The following SKI variants were observed in gnomAD, a reference collection of about 807,000 sequenced individuals.
SKI encodes the protein SKI proto-oncogene.
In SKI, 23 loss-of-function variants were observed where a neutral mutation model predicts 59.3. The ratio of observed to expected loss-of-function variants is 0.39; its 90% CI spans 0.28 to 0.55. SKI has a LOEUF of 0.55. Ranked by LOEUF, SKI falls within the 20% of genes least tolerant of loss-of-function variation. The pLI is 0.67. For missense variants in SKI, 1,017 were observed against 1,038.9 expected, an observed-to-expected ratio of 0.98 and a Z score of 0.29; for synonymous variants, 673 against 488.6, an observed-to-expected ratio of 1.38 and a Z score of -4.98.
intron 1 of SKI, among the ~76,000 whole-genome samples, chr1:2,254,491 ACTG>A (rs1314030598): frequency 6.6e-6 from 1 of 152,128 alleles, no homozygotes; most frequent in Non-Finnish European, 1.5e-5. Flanking sequence ...TGTCTACTGG[ACTG>A]CTTTTTATTT....
chr1:2,277,217 C>G lies in SKI; in HGVS notation c.970-25761C>G, dbSNP rs191313194. ...CAAGTGATTGTCATGCCTCAGCCTC[C>G]TGAATAGCTGAGATTACAGGCACAT... On this transcript the variant is annotated intron_variant, in intron 1 of 6. Coordinates refer to ENST00000378536, the MANE Select transcript of SKI (RefSeq NM_003036.4). Among the ~76,000 whole-genome samples, 159 of 152,284 alleles carry G rather than the reference C, an allele frequency of 1.0e-3. 1 individual carries two copies. The highest frequency in any genetic ancestry group is 3.7e-3 in the African/African-American group (155 of 41,546).
chr1:2,252,218 T>C (rs1259142131), intron 1 of SKI, among the ~76,000 whole-genome samples: 1 of 152,164 alleles, frequency 6.6e-6, no homozygotes, highest in Non-Finnish European at 1.5e-5. Context: ...TCAAAAGTCT[T>C]GTAAAGAACG....
At position 2,303,949 on chromosome 1, in the gene SKI, C is replaced by T. The variant is rs201613746; in HGVS notation, c.1321C>T (p.Arg441Trp). Residue 441 changes from arginine to tryptophan, a missense_variant, in exon 4 of 7, where the codon CGG (arginine) becomes TGG (tryptophan). Arg to Trp is a moderately radical substitution (Grantham distance 101). Coordinates refer to ENST00000378536, the MANE Select transcript of SKI (RefSeq NM_003036.4). The surrounding 1 kb of genome is among the most constrained non-coding windows in gnomAD (Gnocchi z 5.6). ...CCCTCCGTGTGCCGCCGCCGTCTCC[C>T]GGGCCCCCGAGCCTCTCGCCACTTG... Reference protein sequence around the residue: ...SSPPCAAAVSRAPEPLATCTQ... With the variant: ...SSPPCAAAVSWAPEPLATCTQ... 8.4e-5 allele frequency: 136 copies of T among 1,611,714 alleles called. 1 individual carries two copies. The Admixed American group carries it at 1.2e-3, about 14-fold the overall frequency.
intron 1 of SKI, among the ~76,000 whole-genome samples, chr1:2,286,834 C>A (rs1640049696): frequency 6.6e-6 from 1 of 152,238 alleles, no homozygotes; most frequent in African/African-American, 2.4e-5. Flanking sequence ...TTTACACGGG[C>A]TGGGAATGGC....
chr1:2,299,508 C>T (rs188017428), intron 1 of SKI, among the ~76,000 whole-genome samples: 19 of 152,324 alleles, frequency 1.2e-4, no homozygotes, highest in African/African-American at 4.1e-4. Flanking sequence ...GTGCCCTCCG[C>T]CTCTGCGGCG....
intron 1 of SKI, chr1:2,240,862 C>A: frequency 1.1e-6 from 1 of 923,742 alleles, no homozygotes; most frequent in Non-Finnish European, 1.3e-6. Flanking sequence ...GTCCACAGCC[C>A]TTCGGCACTG....
Position 2,303,691 on chromosome 1 carries a change from G to T in SKI, c.1212-149G>T. 5.3e-6 allele frequency: 6 copies of T among 1,132,222 alleles called. No individual in the cohort carries two copies. Among genetic ancestry groups the T allele is most frequent in the Non-Finnish European group, 7.6e-6 (6 of 789,114 alleles). The allele number at this position is 1,132,222 out of a possible 1,614,324, so 70.1% of individuals were successfully genotyped here. A position where few individuals can be genotyped will look rare whatever the true frequency, so the allele number is the denominator to read the frequency against. ...ACCCAGCAAGCAGAAAACGCTTACG[G>T]GTTCTTAGGGAACTGTAAGCTTGAC... On this transcript the variant is annotated intron_variant, in intron 3 of 6. Coordinates refer to ENST00000378536, the MANE Select transcript of SKI (RefSeq NM_003036.4). This position sits in a 1 kb window ranked among gnomAD's most constrained non-coding sequence, Gnocchi z 5.6.
Position 2,228,961 on chromosome 1 carries a change from C to A in SKI, c.195C>A (p.Pro65=), listed in dbSNP as rs1300771712. The A allele has an allele frequency of 2.8e-6, 4 of 1,425,060 alleles. No individual in the cohort carries two copies. Among genetic ancestry groups the A allele is most frequent in the South Asian group, 1.4e-5 (1 of 71,186 alleles). The allele number at this position is 1,425,060 out of a possible 1,614,324, so 88.3% of individuals were successfully genotyped here. ...AGAAAVPAPV[P]AATEPPPVLH... ...CGGCCGCGGTGCCGGCGCCGGTGCC[C>A]GCAGCCACCGAGCCGCCGCCCGTGC... The change falls in exon 1 of 7, where the codon CCC becomes CCA. Residue 65 remains proline (P), a synonymous_variant. Coordinates refer to ENST00000378536, the MANE Select transcript of SKI (RefSeq NM_003036.4).
intron 1 of SKI, among the ~76,000 whole-genome samples, chr1:2,249,429 C>A (rs1366415780): frequency 1.3e-5 from 2 of 152,250 alleles, no homozygotes; most frequent in African/African-American, 2.4e-5. Context: ...TGCCCCAGGG[C>A]TGTTTTGAGA....
chr1:2,296,955 C>T (rs1006900628), intron 1 of SKI, among the ~76,000 whole-genome samples: 3 of 152,084 alleles, frequency 2.0e-5, no homozygotes, highest in Admixed American at 1.3e-4. Context: ...GAGAGCATAC[C>T]GTGCTGTTCC....
intron 1 of SKI, among the ~76,000 whole-genome samples, chr1:2,287,544 G>T (rs1640066738): frequency 6.6e-6 from 1 of 152,160 alleles, no homozygotes; most frequent in African/African-American, 2.4e-5. Flanking sequence ...CACTGTGTTA[G>T]CCAGGATGGA....
At chr1:2,274,089 G>A (rs1438253206) in intron 1 of SKI, among the ~76,000 whole-genome samples, 2 of 151,354 alleles carry the variant, frequency 1.3e-5, no homozygotes, top group Non-Finnish European at 2.9e-5. Flanking sequence ...AGTTGGGTGA[G>A]CGCTCACACA....
At chr1:2,262,704 G>A (rs913550719) in intron 1 of SKI, among the ~76,000 whole-genome samples, 2 of 152,150 alleles carry the variant, frequency 1.3e-5, no homozygotes, top group Admixed American at 1.3e-4. Context: ...GATCAGGAAG[G>A]ATATTGGGTT....
At chr1:2,272,313 CAT>C (rs527485046) in intron 1 of SKI, among the ~76,000 whole-genome samples, 66 of 152,380 alleles carry the variant, frequency 4.3e-4, no homozygotes, top group African/African-American at 1.3e-3. Flanking sequence ...GCAAAACACA[CAT>C]AGACTTCCAG....
intron 1 of SKI, among the ~76,000 whole-genome samples, chr1:2,293,437 A>ACC (rs1021179172): frequency 6.9e-6 from 1 of 144,346 alleles, no homozygotes; most frequent in Non-Finnish European, 1.5e-5. Context: ...GCCCCCCCCC[A>ACC]ACATCTGGAA....
At chr1:2,262,475 C>A (rs1426318292) in intron 1 of SKI, among the ~76,000 whole-genome samples, 1 of 128,290 alleles carries the variant, frequency 7.8e-6, no homozygotes, top group African/African-American at 3.1e-5. Flanking sequence ...ATCTCCTGAT[C>A]TGGAAGGCGT....
intron 1 of SKI, among the ~76,000 whole-genome samples, chr1:2,292,576 G>A (rs1038207543): frequency 6.6e-6 from 1 of 152,218 alleles, no homozygotes; most frequent in African/African-American, 2.4e-5. Context: ...CAGCTCTGAT[G>A]GAGGGGTGTG....
At position 2,306,732 on chromosome 1, in the gene SKI, G is replaced by A. The variant is rs778456446; in HGVS notation, c.2154G>A (p.Ala718=). The part of the protein sequence containing the change: ...QLWPRARPEA[A]GSEGAAELEP ...GGCCGCGGGCCCGCCCCGAGGCTGCGGGCAGCGAGGGCGCTGCGGAGCTGG... is the reference window on the plus strand; with the variant it reads ...GGCCGCGGGCCCGCCCCGAGGCTGCAGGCAGCGAGGGCGCTGCGGAGCTGG... Residue 718 remains alanine (A), a synonymous_variant, in exon 7 of 7, where the codon GCG becomes GCA. Transcript: ENST00000378536. 2.0e-6 allele frequency: 3 copies of A among 1,530,534 alleles called. No individual in the cohort carries two copies. The highest frequency in any genetic ancestry group is 4.4e-4 in the Middle Eastern group (2 of 4,512). The allele number at this position is 1,530,534 out of a possible 1,614,324, so 94.8% of individuals were successfully genotyped here.
At chr1:2,302,845 C>A in intron 1 of SKI, 133 bp from the exon 2 acceptor site, 1 of 1,246,542 alleles carries the variant, frequency 8.0e-7, no homozygotes, top group Non-Finnish European at 1.2e-6. Context: ...CTGGAATCTG[C>A]CTTCTGCGCC....
Sources: gnomAD v4.1 joint callset for allele counts (sites outside exome capture counted in the v4.1 genomes callset) on GRCh38, gnomAD v4.1.1 for gene constraint, Gnocchi (gnomAD v3.1) non-coding constraint, MANE v1.5 for transcripts, NCBI Gene and HGNC (gene_info 2026-07-23, HGNC 2026-07-21) for gene names.